Variants in KAZN observed in about 807,000 individuals in gnomAD.
KAZN encodes the protein kazrin.
A neutral mutation model predicts 87.4 loss-of-function variants in KAZN; 40 were observed. The observed-to-expected ratio is 0.46, with a 90% CI of 0.36 to 0.60. The LOEUF (loss-of-function observed/expected upper bound fraction) is 0.60. Among genes scored for constraint, KAZN ranks in the 20% least tolerant of loss-of-function variants. The pLI is 0.00. For synonymous variants in KAZN, 466 were observed against 458.3 expected, an observed-to-expected ratio of 1.02 and a Z score of -0.22; for missense variants, 898 against 1,073.9, an observed-to-expected ratio of 0.84 and a Z score of 2.29.
At chr1:13,978,973 G>A (rs1285649214) in intron 1 of KAZN, among the ~76,000 whole-genome samples, 3 of 151,728 alleles carry the variant, frequency 2.0e-5, no homozygotes, top group African/African-American at 7.3e-5. Context: ...GCACATGCCT[G>A]TGGTCCCAAC....
intron 1 of KAZN, among the ~76,000 whole-genome samples, chr1:14,758,269 G>T (rs142794354): frequency 6.6e-6 from 1 of 151,600 alleles, no homozygotes; most frequent in Non-Finnish European, 1.5e-5. Flanking sequence ...GGGCTCAAGC[G>T]ATCCTCCCAC....
chr1:14,486,198 C>G (rs1669343771), intron 2 of KAZN, among the ~76,000 whole-genome samples: 1 of 152,140 alleles, frequency 6.6e-6, no homozygotes, highest in African/African-American at 2.4e-5. Flanking sequence ...AAATATATAT[C>G]TAGATGGAAA....
intron 1 of KAZN, among the ~76,000 whole-genome samples, chr1:14,606,190 A>G (rs1483503401): frequency 6.6e-6 from 1 of 152,184 alleles, no homozygotes; most frequent in Non-Finnish European, 1.5e-5. Flanking sequence ...CAAACCCACT[A>G]GGTCTCTCTG....
intron 2 of KAZN, among the ~76,000 whole-genome samples, chr1:14,454,695 TAC>T (rs1439778682): frequency 1.3e-5 from 2 of 152,212 alleles, no homozygotes; most frequent in Non-Finnish European, 2.9e-5. Context: ...ATAGCAGTGG[TAC>T]TCATGAATGT....
intron 3 of KAZN, among the ~76,000 whole-genome samples, chr1:15,042,795 T>C (rs573526839): frequency 1.1e-4 from 17 of 152,248 alleles, no homozygotes; most frequent in African/African-American, 3.4e-4. Context: ...AGAGACAGGT[T>C]TGTCAGACAA....
At chr1:14,853,795 G>C (rs537165016) in intron 1 of KAZN, among the ~76,000 whole-genome samples, 4 of 152,274 alleles carry the variant, frequency 2.6e-5, no homozygotes, top group African/African-American at 9.6e-5. Flanking sequence ...GCCCATATTG[G>C]TGCTAGTACA....
At chr1:15,047,432 G>A (rs146834889) in intron 4 of KAZN, among the ~76,000 whole-genome samples, 14 of 152,286 alleles carry the variant, frequency 9.2e-5, no homozygotes, top group South Asian at 6.2e-4. Flanking sequence ...GGGTCCACAC[G>A]TGCAGTGGGG....
intron 2 of KAZN, among the ~76,000 whole-genome samples, chr1:14,246,299 T>C (rs1298227945): frequency 6.6e-6 from 1 of 151,890 alleles, no homozygotes; most frequent in South Asian, 2.1e-4. Flanking sequence ...GTGGCAAACC[T>C]GCACATCCTG....
intron 1 of KAZN, among the ~76,000 whole-genome samples, chr1:14,823,223 CA>C (rs1448603571): frequency 6.6e-6 from 1 of 152,128 alleles, no homozygotes; most frequent in Non-Finnish European, 1.5e-5. Flanking sequence ...AGAGAATCCA[CA>C]ACGAACAGCT....
At chr1:14,138,660 A>G (rs916172506) in intron 1 of KAZN, among the ~76,000 whole-genome samples, 12 of 152,216 alleles carry the variant, frequency 7.9e-5, no homozygotes, top group Non-Finnish European at 1.3e-4. Context: ...AATGGCGTAC[A>G]TCGCAGAGCC....
At chr1:15,070,156 C>A (rs1260030859) in intron 8 of KAZN, among the ~76,000 whole-genome samples, 1 of 152,228 alleles carries the variant, frequency 6.6e-6, no homozygotes, top group African/African-American at 2.4e-5. Context: ...GAGGGGCTGC[C>A]GCCAAGCAGC....
intron 1 of KAZN, among the ~76,000 whole-genome samples, chr1:13,907,206 C>A (rs901354883): frequency 2.6e-5 from 4 of 152,168 alleles, no homozygotes; most frequent in African/African-American, 4.8e-5. Flanking sequence ...ATAGAATCTT[C>A]CAGCACCACA....
intron 1 of KAZN, among the ~76,000 whole-genome samples, chr1:14,828,225 A>T (rs1206418792): frequency 1.3e-5 from 2 of 152,252 alleles, no homozygotes; most frequent in East Asian, 1.9e-4. Context: ...ATTAATAAAC[A>T]TCTTCTCTTT....
Position 13,955,909 on chromosome 1 carries a change from T to C in KAZN, c.91+62153T>C, listed in dbSNP as rs188553509. On this transcript the variant is annotated intron_variant, in intron 1 of 16. Coordinates refer to the KAZN transcript ENST00000636203. The stretch of plus-strand genomic sequence containing the variant: ...CCATCTTCTCCAGAGGGTTACAGCC[T>C]GCGGCCCATGATTGTAGAGTCACGC... Among the ~76,000 whole-genome samples the C allele has an allele frequency of 3.9e-3, 600 of 152,278 alleles. 3 individuals are homozygous for C. The highest frequency in any genetic ancestry group is 0.014 in the African/African-American group (579 of 41,552).
chr1:14,515,256 A>G lies in KAZN; in HGVS notation c.250-83727A>G, dbSNP rs533692847. The stretch of plus-strand genomic sequence containing the variant: ...GCCCCCGACACACCCAGATTATCCT[A>G]TTTTCAAGTGAGAGGACCGTGAATT... On this transcript the variant is annotated intron_variant, in intron 2 of 16. Transcript: ENST00000636203. Among the ~76,000 whole-genome samples the G allele has an allele frequency of 4.6e-5, 7 of 152,272 alleles. No individual in the cohort carries two copies. In the East Asian group the frequency reaches 1.4e-3, roughly 29 times the overall value.
chr1:14,297,881 G>A (rs1028638579), intron 2 of KAZN, among the ~76,000 whole-genome samples: 22 of 152,216 alleles, frequency 1.4e-4, no homozygotes, highest in Admixed American at 1.3e-4. Context: ...AGGAGTTGCT[G>A]CCCTGGATGG....
chr1:14,960,811 C>T lies in KAZN; in HGVS notation c.354C>T (p.Thr118=), dbSNP rs200260939. The T allele has an allele frequency of 1.1e-5, 18 of 1,612,886 alleles. No individual in the cohort carries two copies. The highest frequency in any genetic ancestry group is 9.3e-5 in the African/African-American group (7 of 74,898). The part of the protein sequence containing the change: ...GGKSSEVLSA[T]ELRVQLAQKE... ...AGTCCTCTGAGGTCCTCTCGGCCAC[C>T]GAGCTCAGGGTCCAGCTGGCCCAGA... The change falls in exon 2 of 15, where the codon ACC becomes ACT. Residue 118 remains threonine, a synonymous_variant. Transcript: ENST00000376030.
At chr1:14,248,921 T>C (rs6662187) in intron 2 of KAZN, among the ~76,000 whole-genome samples, 73,562 of 151,916 alleles carry the variant, frequency 0.48, 19,631 homozygotes, top group African/African-American at 0.69. Flanking sequence ...TAGTCCGCCA[T>C]ACTGGGAGGA....
chr1:15,070,547 C>G lies in KAZN; in HGVS notation c.1222+4794C>G, dbSNP rs1480636496. On this transcript the variant is annotated intron_variant, in intron 8 of 14. Coordinates refer to ENST00000376030, the MANE Select transcript of KAZN (RefSeq NM_201628.3). The stretch of plus-strand genomic sequence containing the variant: ...CCCGCCACAGCATGAGCCTGCGGTC[C>G]AGGAGCCGCCCCGCACCTGTGACAA... Among the ~76,000 whole-genome samples the G allele has an allele frequency of 2.0e-5, 3 of 152,240 alleles. No homozygotes were observed. In the East Asian group the frequency reaches 5.8e-4, roughly 29 times the overall value.
Sources: allele counts gnomAD v4.1 joint callset (sites outside exome capture counted in the v4.1 genomes callset), GRCh38; gene constraint gnomAD v4.1.1; transcripts MANE v1.5; gene names NCBI Gene and HGNC (gene_info 2026-07-23, HGNC 2026-07-21).